SMC3: variants seen among roughly 807,000 people sequenced by gnomAD.
SMC3 encodes structural maintenance of chromosomes protein 3.
SMC3 carries 20 observed loss-of-function variants against 171.8 expected under a neutral mutation model. The observed-to-expected ratio is 0.12, with a 90% CI of 0.08 to 0.17. The LOEUF is 0.17. Ranked by LOEUF, SMC3 falls within the 10% of genes least tolerant of loss-of-function variation. The pLI is 1.00. For missense variants in SMC3, 543 were observed against 1,420.4 expected (o/e 0.38, Z 9.93); for synonymous variants, 464 against 451.1 (o/e 1.03, Z -0.36).
intron 10 of SMC3, 34 bp downstream of exon 10, chr10:110,582,676 T>G: frequency 6.6e-7 from 1 of 1,512,052 alleles, no homozygotes; most frequent in Non-Finnish European, 9.2e-7. Context: ...GTTAACTTAC[T>G]TTTTACTTTT....
At chr10:110,574,632 C>T (rs1329186113) in intron 3 of SMC3, among the ~76,000 whole-genome samples, 1 of 152,192 alleles carries the variant, frequency 6.6e-6, no homozygotes, top group East Asian at 1.9e-4. Flanking sequence ...CGACCTGTGT[C>T]CACAGCACAC....
In SMC3 at chr10:110,602,056, G is replaced by C; in HGVS notation, c.2983G>C (p.Glu995Gln). The change falls in exon 25 of 29, where the codon GAG (glutamate) becomes CAG (glutamine). Residue 995 changes from glutamate (E) to glutamine (Q), a missense_variant. Transcript: ENST00000361804. ...TTTGGATCAGTTTGTAAATTTCTCC[G>C]AGCAGAAAGAAAAGTTAATAAAGCG... The part of the protein sequence containing the change: ...KALDQFVNFS[E>Q]QKEKLIKRQE... The C allele has an allele frequency of 6.2e-7, 1 of 1,613,772 alleles. No individual in the cohort carries two copies. The highest frequency in any genetic ancestry group is 8.5e-7 in the Non-Finnish European group (1 of 1,179,830).
chr10:110,600,959 G>A (rs1861377433), intron 22 of SMC3, 63 bp from the exon 23 acceptor site: 2 of 1,149,998 alleles, frequency 1.7e-6, no homozygotes. Context: ...TCAGACAATA[G>A]CCATAGAAAA....
At chr10:110,598,319 C>G (rs547971522) in intron 20 of SMC3, 29 bp downstream of exon 20, 9 of 1,593,854 alleles carry the variant, frequency 5.6e-6, no homozygotes, top group Middle Eastern at 3.3e-4. Flanking sequence ...GGTTATAGAT[C>G]GATTGTTACA....
rs374600744 is a variant in SMC3, at chr10:110,568,078, C to A, written c.15+247C>A. 8.5e-5 allele frequency among the ~76,000 whole-genome samples: 13 copies of A among 152,192 alleles called. 1 individual carries two copies. Among genetic ancestry groups the A allele is most frequent in the Admixed American group, 6.5e-4 (10 of 15,288 alleles). On this transcript the variant is annotated intron_variant, in intron 1 of 28. Transcript: ENST00000361804. ...GGCGCTTGTCTGGGAGAGGCAGGAT[C>A]TCCGAGAGGTGTGGAAGGGCCGGCG... is the stretch of plus-strand genomic sequence containing the variant.
intron 1 of SMC3, 35 bp from the exon 2 acceptor site, chr10:110,568,903 G>A: frequency 8.6e-7 from 1 of 1,164,854 alleles, no homozygotes; most frequent in Non-Finnish European, 1.3e-6. Context: ...TTTTTTTTGT[G>A]GGGTGGGTTC....
chr10:110,568,955 T>C lies in SMC3; in HGVS notation c.33T>C (p.Phe11=). 7 of 1,605,584 alleles carry C rather than the reference T, an allele frequency of 4.4e-6. No homozygotes were observed. The highest frequency in any genetic ancestry group is 1.1e-5 in the South Asian group (1 of 90,902). Residue 11 remains phenylalanine (F), a synonymous_variant, in exon 2 of 29, where the codon TTT becomes TTC. Coordinates refer to ENST00000361804, the MANE Select transcript of SMC3 (RefSeq NM_005445.4). MYIKQVIIQG[F]RSYRDQTIVD... is the part of the protein sequence containing the mutation. ...TTTACTAGGTGATTATCCAGGGTTTTCGAAGTTACAGAGATCAAACAATTG... is the reference window on the plus strand; with the variant it reads ...TTTACTAGGTGATTATCCAGGGTTTCCGAAGTTACAGAGATCAAACAATTG...
At chr10:110,580,712 G>A (rs190790885) in intron 7 of SMC3, among the ~76,000 whole-genome samples, 192 bp from the exon 8 acceptor site, 34 of 152,280 alleles carry the variant, frequency 2.2e-4, no homozygotes, top group African/African-American at 5.3e-4. Flanking sequence ...GATTTGGGTT[G>A]CTCATCTGGT....
Position 110,590,657 on chromosome 10 carries a change from A to G in SMC3, c.1670+85A>G. The stretch of plus-strand genomic sequence containing the variant: ...AACTTTTGTAGTTTTTGTACAACAT[A>G]TCTTCCATTATCTTTTTATATCTCG... On this transcript the variant is annotated intron_variant, in intron 16 of 28. Transcript: ENST00000361804. 7 of 1,109,072 alleles carry G rather than the reference A, an allele frequency of 6.3e-6. No homozygotes were observed. The South Asian group carries it at 9.3e-5, about 15-fold the overall frequency. The allele number at this position is 1,109,072 out of a possible 1,614,324, so 68.7% of individuals were successfully genotyped here.
chr10:110,582,776 C>G (rs1388765547), intron 10 of SMC3, 134 bp downstream of exon 10: 2 of 705,108 alleles, frequency 2.8e-6, no homozygotes, highest in Non-Finnish European at 5.2e-6. Flanking sequence ...TCAGGCAATC[C>G]TCTTGCCGCA....
At position 110,583,829 on chromosome 10, in the gene SMC3, C is replaced by A. The variant is rs753661805; in HGVS notation, c.970-12C>A. 1 of 1,606,458 alleles carries A rather than the reference C, an allele frequency of 6.2e-7. No individual in the cohort carries two copies. The highest frequency in any genetic ancestry group is 1.1e-5 in the South Asian group (1 of 90,142). Reference sequence around the variant, plus strand: ...AAATTTAAAGCAGTTTGCATTTTTACTTTGTTTACAGAAACGTTTATTAAA... The same window carrying A: ...AAATTTAAAGCAGTTTGCATTTTTAATTTGTTTACAGAAACGTTTATTAAA... On this transcript the variant is annotated splice_polypyrimidine_tract_variant and intron_variant, in intron 11 of 28. Coordinates refer to ENST00000361804, the MANE Select transcript of SMC3 (RefSeq NM_005445.4).
At chr10:110,600,889 C>T in intron 22 of SMC3, 133 bp from the exon 23 acceptor site, 1 of 694,808 alleles carries the variant, frequency 1.4e-6, no homozygotes, top group Non-Finnish European at 2.5e-6. Flanking sequence ...TTAATGGATA[C>T]TTCTAAGTAT....
At position 110,589,625 on chromosome 10, in the gene SMC3, T is replaced by A. The variant is rs770991918; in HGVS notation, c.1326T>A (p.Asn442Lys). 1.9e-6 allele frequency: 3 copies of A among 1,607,800 alleles called. No individual in the cohort carries two copies. Among genetic ancestry groups the A allele is most frequent in the Admixed American group, 1.7e-5 (1 of 59,914 alleles). Residue 442 changes from asparagine (N) to lysine (K), a missense_variant, in exon 14 of 29, where the codon AAT becomes AAA. By Grantham distance (94) the Asn-to-Lys change is moderately conservative. Around this residue, in one of 8 missense-constraint regions of SMC3, gnomAD observed 218 missense variants for 509.6 expected, o/e 0.43. Coordinates refer to ENST00000361804, the MANE Select transcript of SMC3 (RefSeq NM_005445.4). ...EQYNKLDQDL[N>K]EVKARVEELD... is the part of the protein sequence containing the mutation. ...CATAGAAACTGGACCAGGATCTTAA[T>A]GAAGTCAAAGCTCGAGTAGAAGAAC...
chr10:110,603,321 GTATT>G, intron 28 of SMC3, 31 bp downstream of exon 28: 1 of 1,291,792 alleles, frequency 7.7e-7, no homozygotes, highest in Non-Finnish European at 1.1e-6. Context: ...GTTTAAGTTT[GTATT>G]TATTCAATTA....
chr10:110,592,574 T>C (rs1861224804), intron 17 of SMC3, among the ~76,000 whole-genome samples: 1 of 152,234 alleles, frequency 6.6e-6, no homozygotes, highest in African/African-American at 2.4e-5. Context: ...TTTTCCTATC[T>C]AATTTAGATA....
intron 1 of SMC3, 100 bp from the exon 2 acceptor site, chr10:110,568,838 T>G: frequency 1.4e-6 from 1 of 734,490 alleles, no homozygotes; most frequent in Non-Finnish European, 2.4e-6. Flanking sequence ...AATTTCGAGT[T>G]TTCTATATTG....
At position 110,602,891 on chromosome 10, in the gene SMC3, T is replaced by C. The variant is rs1039246555; in HGVS notation, c.3364T>C (p.Leu1122=). Residue 1122 remains leucine, a synonymous_variant, in exon 27 of 29, where the codon TTG becomes CTG. Transcript: ENST00000361804. ...ACAGCTTTCAGGTGGACAGAAATCCTTGGTAGCCCTTGCTCTGATTTTTGC... is the reference window on the plus strand; with the variant it reads ...ACAGCTTTCAGGTGGACAGAAATCCCTGGTAGCCCTTGCTCTGATTTTTGC... ...MQQLSGGQKS[L]VALALIFAIQ... 9.9e-6 allele frequency: 16 copies of C among 1,614,014 alleles called. No individual in the cohort carries two copies. Among genetic ancestry groups the C allele is most frequent in the Non-Finnish European group, 1.4e-5 (16 of 1,179,884 alleles).
At chr10:110,573,217 T>C (rs1253471823) in intron 2 of SMC3, among the ~76,000 whole-genome samples, 2 of 152,128 alleles carry the variant, frequency 1.3e-5, no homozygotes, top group Non-Finnish European at 2.9e-5. Flanking sequence ...ATTTTGTTAG[T>C]CAAAAAGTAC....
intron 22 of SMC3, 89 bp from the exon 23 acceptor site, chr10:110,600,933 T>C: frequency 1.1e-6 from 1 of 940,756 alleles, no homozygotes; most frequent in Admixed American, 1.9e-5. Flanking sequence ...ATTTTTTTGT[T>C]TTCTTGAATG....
Sources: allele counts gnomAD v4.1 joint callset (sites outside exome capture counted in the v4.1 genomes callset), GRCh38; gene constraint gnomAD v4.1.1; regional missense constraint gnomAD v4.1.1; transcripts MANE v1.5; gene names NCBI Gene and HGNC (gene_info 2026-07-23, HGNC 2026-07-21).